The following TNNT3 variants were observed in gnomAD, a reference collection of about 807,000 sequenced individuals.
The protein encoded by TNNT3 is troponin T3, fast skeletal type.
A neutral mutation model predicts 54.2 loss-of-function variants in TNNT3; 36 were observed. The observed-to-expected ratio is 0.66, with a 90% CI of 0.51 to 0.88. The LOEUF (loss-of-function observed/expected upper bound fraction) is 0.88, where lower values mean the gene tolerates loss of function less well. TNNT3 is among the 40% of genes least tolerant of loss of function. TNNT3 has a pLI of 0.00. For synonymous variants in TNNT3, 120 were observed against 109.7 expected (o/e 1.09, Z -0.59); for missense variants, 291 against 331.6 (o/e 0.88, Z 0.95).
In TNNT3 at chr11:1,928,898, G is replaced by A. The variant is rs1366698764; in HGVS notation, c.83-222G>A. 7.9e-6 allele frequency: 5 copies of A among 635,498 alleles called. No homozygotes were observed. In the Admixed American group the frequency reaches 1.1e-4, roughly 14 times the overall value. 39.4% of individuals were successfully genotyped at this position (635,498 alleles called of 1,614,324 possible). A position where few individuals can be genotyped will look rare whatever the true frequency, so the allele number is the denominator to read the frequency against. On this transcript the variant is annotated intron_variant, in intron 6 of 15. Coordinates refer to ENST00000278317, the MANE Select transcript of TNNT3 (RefSeq NM_006757.4). ...TCTCCACTAGGTCTTCCAGGCAGGAGCTCCACTGGGCACCCAGCCCCTTCC... is the reference window on the plus strand; with the variant it reads ...TCTCCACTAGGTCTTCCAGGCAGGAACTCCACTGGGCACCCAGCCCCTTCC...
rs760411179 is a variant in TNNT3 at position 1,926,723 on chromosome 11, C to T, written c.82+14C>T. 1.9e-6 allele frequency: 3 copies of T among 1,613,040 alleles called. No individual in the cohort carries two copies. Among genetic ancestry groups the T allele is most frequent in the Non-Finnish European group, 2.5e-6 (3 of 1,179,998 alleles). ...AAGTTCAAGAAGGTACGCCGGCGCT[C>T]CCCCGCCTCCAGGCCAGAGTCTCCG... On this transcript the variant is annotated intron_variant, in intron 6 of 15. Transcript: ENST00000278317.
In TNNT3 at chr11:1,938,594, G is replaced by GA; in HGVS notation, c.*102_*103insA. The GA allele has an allele frequency of 1.3e-5, 17 of 1,293,378 alleles. No homozygotes were observed. The highest frequency in any genetic ancestry group is 1.9e-5 in the Non-Finnish European group (17 of 907,068). The allele number at this position is 1,293,378 out of a possible 1,614,324, so 80.1% of individuals were successfully genotyped here. Reference sequence around the variant, plus strand: ...CTCCAGCCCCCACAATCCTGTCAGGGGCTCCCTGACAGTCCTGGGGGTGGA... The same window carrying GA: ...CTCCAGCCCCCACAATCCTGTCAGGGAGCTCCCTGACAGTCCTGGGGGTGGA... On this transcript the variant is annotated 3_prime_UTR_variant, in exon 16 of 16. Transcript: ENST00000278317.
chr11:1,929,888 G>A, intron 8 of TNNT3, 60 bp downstream of exon 8: 1 of 1,538,436 alleles, frequency 6.5e-7, no homozygotes, highest in Non-Finnish European at 8.8e-7. Flanking sequence ...GGGTGGTCAA[G>A]TGAGTGTGGG....
chr11:1,938,130 C>T (rs1855700759), intron 15 of TNNT3: 3 of 436,972 alleles, frequency 6.9e-6, no homozygotes, highest in South Asian at 4.1e-5. Context: ...ATATCATTAT[C>T]TGCTAAGACA....
chr11:1,921,191 G>A (rs1850028952), intron 1 of TNNT3, among the ~76,000 whole-genome samples: 1 of 152,200 alleles, frequency 6.6e-6, no homozygotes, highest in African/African-American at 2.4e-5. Context: ...CCTATTTCTG[G>A]ACACCTCAGC....
chr11:1,919,588 C>G (rs982065951), upstream of TNNT3: 1 of 152,320 alleles, frequency 6.6e-6, no homozygotes, highest in East Asian at 1.9e-4. Flanking sequence ...GGGGCCTGCA[C>G]GGGCATAGCC....
intron 1 of TNNT3, chr11:1,921,252 C>G (rs901429545): frequency 6.6e-6 from 1 of 152,258 alleles, no homozygotes. Flanking sequence ...CCACGCTGCC[C>G]CCATCTTGTG....
chr11:1,926,409 C>A (rs376892550), intron 5 of TNNT3: 17 of 1,609,238 alleles, frequency 1.1e-5, no homozygotes, highest in Non-Finnish European at 1.4e-5. Context: ...TCGGACGCTT[C>A]TCCATTGACC....
intron 14 of TNNT3, among the ~76,000 whole-genome samples, chr11:1,936,463 C>T (rs1332068001): frequency 6.6e-6 from 1 of 152,192 alleles, no homozygotes; most frequent in Non-Finnish European, 1.5e-5. Flanking sequence ...GGGCCCCCAC[C>T]TTCCCAGGAG....
intron 6 of TNNT3, chr11:1,928,845 C>G (rs12795447): frequency 1.9e-6 from 1 of 539,516 alleles, no homozygotes. Flanking sequence ...CCCCACCTTG[C>G]CCCGCGAGGT....
At chr11:1,933,675 G>C (rs1489408000) in intron 9 of TNNT3, 46 bp from the exon 10 acceptor site, 1 of 1,500,028 alleles carries the variant, frequency 6.7e-7, no homozygotes, top group South Asian at 1.1e-5. Context: ...GCAGGGCAGA[G>C]GTTGGAGAGA....
chr11:1,938,187 GA>G, intron 15 of TNNT3: 1 of 557,644 alleles, frequency 1.8e-6, no homozygotes, highest in South Asian at 2.0e-5. Flanking sequence ...CTCAGGCAAA[GA>G]AAGGAGGACA....
At chr11:1,921,456 C>T (rs74047682) in intron 1 of TNNT3, 21,113 of 152,426 alleles carry the variant, frequency 0.14, 1,857 homozygotes, top group African/African-American at 0.25. Flanking sequence ...TGGGTCACAC[C>T]GGGGGCCTGG....
chr11:1,934,712 C>T (rs959545143), intron 13 of TNNT3, 57 bp downstream of exon 13: 44 of 1,600,512 alleles, frequency 2.7e-5, no homozygotes, highest in Non-Finnish European at 3.6e-5. Context: ...CAGGAGCTGC[C>T]GACTGCTCCT....
At chr11:1,934,466 C>T in intron 12 of TNNT3, 21 bp downstream of exon 12, 1 of 1,611,730 alleles carries the variant, frequency 6.2e-7, no homozygotes, top group Non-Finnish European at 8.5e-7. Flanking sequence ...CTGCTGGGAG[C>T]ACGGTGGTAG....
chr11:1,929,153 C>T lies in TNNT3; in HGVS notation c.106+10C>T, dbSNP rs755697696. 1.2e-5 allele frequency: 19 copies of T among 1,612,622 alleles called. No homozygotes were observed. The highest frequency in any genetic ancestry group is 1.6e-4 in the Middle Eastern group (1 of 6,062). On this transcript the variant is annotated intron_variant, in intron 7 of 15. Coordinates refer to ENST00000278317, the MANE Select transcript of TNNT3 (RefSeq NM_006757.4). The stretch of plus-strand genomic sequence containing the variant: ...GAGGAGGACGCGGAAGGTAAGGGCC[C>T]GTCCCTGCCGCCGGAGGTGCAGGAC...
intron 14 of TNNT3, among the ~76,000 whole-genome samples, chr11:1,935,879 C>T (rs1217568382): frequency 6.6e-6 from 1 of 152,128 alleles, no homozygotes; most frequent in African/African-American, 2.4e-5. Context: ...ACCTGAGCTT[C>T]CACGAGCTCC....
At chr11:1,932,718 T>A (rs1853760744) in intron 9 of TNNT3, among the ~76,000 whole-genome samples, 1 of 151,934 alleles carries the variant, frequency 6.6e-6, no homozygotes, top group Non-Finnish European at 1.5e-5. Flanking sequence ...CCATCTATCC[T>A]TCTATCCATC....
At chr11:1,923,636 T>G in intron 4 of TNNT3, 64 bp downstream of exon 4, 1 of 1,038,860 alleles carries the variant, frequency 9.6e-7, no homozygotes, top group Non-Finnish European at 1.3e-6. Context: ...CCCTCTCCCG[T>G]GTGGCGCTCA....
Sources: allele counts gnomAD v4.1 joint callset (sites outside exome capture counted in the v4.1 genomes callset), GRCh38; gene constraint gnomAD v4.1.1; transcripts MANE v1.5; gene names NCBI Gene and HGNC (gene_info 2026-07-23, HGNC 2026-07-21).